Variants in ZNF317 observed in about 807,000 individuals in gnomAD.
The protein encoded by ZNF317 is KRAB-containing zinc finger protein 317.
In ZNF317, 17 loss-of-function variants were observed where a neutral mutation model predicts 23.4. The ratio of observed to expected loss-of-function variants is 0.73; its 90% CI spans 0.50 to 1.09. The LOEUF is 1.09. Ranked by LOEUF, ZNF317 falls within the 50% of genes least tolerant of loss-of-function variation. ZNF317 has a pLI of 0.00. For synonymous variants in ZNF317, 317 were observed against 314.9 expected (o/e 1.01, Z -0.07); for missense variants, 679 against 796.7 (o/e 0.85, Z 1.78).
chr19:9,153,318 T>C (rs912070425), intron 1 of ZNF317, among the ~76,000 whole-genome samples: 2 of 132,498 alleles, frequency 1.5e-5, no homozygotes, highest in Non-Finnish European at 3.4e-5. Flanking sequence ...TGCACCACCA[T>C]GCCCAGCTAA....
At position 9,160,072 on chromosome 19, in the gene ZNF317, T is replaced by C; in HGVS notation, c.469-42T>C. On this transcript the variant is annotated intron_variant, in intron 6 of 6. Transcript: ENST00000247956. The surrounding 1 kb of genome is among the most constrained non-coding windows in gnomAD (Gnocchi z 6.8). Reference sequence around the variant, plus strand: ...GGATGACGCTTAGGGTTGCAATGAATATGAGAATTGCCTTTGTCAGCACTT... The same window carrying C: ...GGATGACGCTTAGGGTTGCAATGAACATGAGAATTGCCTTTGTCAGCACTT... 1.2e-6 allele frequency: 2 copies of C among 1,610,074 alleles called. No homozygotes were observed.
chr19:9,154,945 C>T (rs1389188301), intron 1 of ZNF317, among the ~76,000 whole-genome samples: 1 of 152,176 alleles, frequency 6.6e-6, no homozygotes, highest in African/African-American at 2.4e-5. Context: ...CTATGATATT[C>T]AACACCATTC....
At chr19:9,147,124 T>A (rs187466070) in intron 1 of ZNF317, among the ~76,000 whole-genome samples, 5 of 152,254 alleles carry the variant, frequency 3.3e-5, no homozygotes, top group African/African-American at 1.2e-4. Flanking sequence ...CTAGCAGCCT[T>A]GGTTGCCTCA....
At position 9,142,908 on chromosome 19, in the gene ZNF317, G is replaced by A. The variant is rs182486919; in HGVS notation, c.-93+2316G>A. 6.5e-3 allele frequency among the ~76,000 whole-genome samples: 993 copies of A among 152,286 alleles called. 4 individuals are homozygous for A. The highest frequency in any genetic ancestry group is 0.041 in the Middle Eastern group (12 of 294). On this transcript the variant is annotated intron_variant, in intron 1 of 6. Transcript: ENST00000247956. ...CCTTTTCTGTTTCAGATTTATGCCA[G>A]CCTCATAAAATGGGATGAGAAGTGT... is the stretch of plus-strand genomic sequence containing the variant.
rs35259257 is a variant in ZNF317 at position 9,147,330 on chromosome 19, G to GTTT, written c.-93+6763_-93+6765dup. ...TGGTGACAGCATTCCAATGACACTG[G>GTTT]TTTTTTTTTTTTTTTTTTTTTTTTT... On this transcript the variant is annotated intron_variant, in intron 1 of 6. Coordinates refer to ENST00000247956, the MANE Select transcript of ZNF317 (RefSeq NM_020933.5). Among the ~76,000 whole-genome samples, 22 of 110,172 alleles carry GTTT rather than the reference G, an allele frequency of 2.0e-4. 2 individuals are homozygous for GTTT. The highest frequency in any genetic ancestry group is 3.0e-4 in the South Asian group (1 of 3,346). 72.3% of individuals were successfully genotyped at this position (110,172 alleles called of 152,430 possible).
chr19:9,160,959 C>T lies in ZNF317; in HGVS notation c.1314C>T (p.Asn438=), dbSNP rs369391399. 8.1e-6 allele frequency: 13 copies of T among 1,614,024 alleles called. No individual in the cohort carries two copies. The African/African-American group carries it at 1.1e-4, about 13-fold the overall frequency. ...RNQSILKTHM[N]SHTGEKPYGC... ...AGTCCATCCTTAAGACTCACATGAA[C>T]TCTCACACTGGAGAGAAACCATACG... The change falls in exon 7 of 7, where the codon AAC becomes AAT. Residue 438 remains asparagine (N), a synonymous_variant. Coordinates refer to ENST00000247956, the MANE Select transcript of ZNF317 (RefSeq NM_020933.5). This position sits in a 1 kb window ranked among gnomAD's most constrained non-coding sequence, Gnocchi z 6.8.
At chr19:9,145,982 A>AATT (rs138875341) in intron 1 of ZNF317, among the ~76,000 whole-genome samples, 283 of 151,652 alleles carry the variant, frequency 1.9e-3, no homozygotes, top group Middle Eastern at 0.017. Context: ...TTAAGAAACA[A>AATT]ATTATTATTA....
chr19:9,156,273 G>T (rs1177746416), intron 2 of ZNF317, among the ~76,000 whole-genome samples: 1 of 152,154 alleles, frequency 6.6e-6, no homozygotes, highest in Non-Finnish European at 1.5e-5. Flanking sequence ...GAGGGTGCAG[G>T]TAATGGGTAA....
Position 9,160,412 on chromosome 19 carries a change from G to A in ZNF317, c.767G>A (p.Gly256Glu), listed in dbSNP as rs1482298712. Reference sequence around the variant, plus strand: ...AAGCCTTACGAGTGCAGCGACTGCGGGAAAGCCTTCAACGACCCTTCAGCC... The same window carrying A: ...AAGCCTTACGAGTGCAGCGACTGCGAGAAAGCCTTCAACGACCCTTCAGCC... ...GEKPYECSDCGKAFNDPSALR... is the reference protein window; with the variant it reads ...GEKPYECSDCEKAFNDPSALR... Residue 256 changes from glycine (G) to glutamate (E), a missense_variant, in exon 7 of 7, where the codon GGG becomes GAG. Physicochemically the swap from Gly to Glu is moderately conservative, Grantham distance 98. Coordinates refer to ENST00000247956, the MANE Select transcript of ZNF317 (RefSeq NM_020933.5). The surrounding 1 kb of genome is among the most constrained non-coding windows in gnomAD (Gnocchi z 6.8). 1.9e-6 allele frequency: 3 copies of A among 1,614,076 alleles called. No individual in the cohort carries two copies. Among genetic ancestry groups the A allele is most frequent in the Admixed American group, 1.7e-5 (1 of 59,996 alleles).
chr19:9,143,003 C>G (rs2050647895), intron 1 of ZNF317, among the ~76,000 whole-genome samples: 1 of 152,064 alleles, frequency 6.6e-6, no homozygotes, highest in Non-Finnish European at 1.5e-5. Flanking sequence ...GGGAGTGGTA[C>G]CTGGAAAAAC....
At chr19:9,140,902 G>A (rs1031577902) in intron 1 of ZNF317, among the ~76,000 whole-genome samples, 1 of 152,118 alleles carries the variant, frequency 6.6e-6, no homozygotes, top group African/African-American at 2.4e-5. Context: ...AGGAGATTGG[G>A]GGGCGTCAGG....
chr19:9,148,948 T>C (rs1334378479), intron 1 of ZNF317, among the ~76,000 whole-genome samples: 2 of 152,190 alleles, frequency 1.3e-5, no homozygotes, highest in African/African-American at 4.8e-5. Flanking sequence ...AGCTTCCTGC[T>C]CATCATCTAT....
At chr19:9,159,096 G>A (rs2050819408) in intron 6 of ZNF317, among the ~76,000 whole-genome samples, 188 bp downstream of exon 6, 1 of 152,238 alleles carries the variant, frequency 6.6e-6, no homozygotes, top group Admixed American at 6.5e-5. Context: ...TTTACCTAGA[G>A]TGTCTCTGAG....
At chr19:9,148,295 G>T (rs2050705928) in intron 1 of ZNF317, among the ~76,000 whole-genome samples, 1 of 152,200 alleles carries the variant, frequency 6.6e-6, no homozygotes, top group African/African-American at 2.4e-5. Flanking sequence ...TGAGAACTTG[G>T]CCAGAAGCTC....
intron 1 of ZNF317, among the ~76,000 whole-genome samples, chr19:9,147,967 G>A (rs2050702515): frequency 6.6e-6 from 1 of 152,118 alleles, no homozygotes; most frequent in East Asian, 1.9e-4. Flanking sequence ...CTGTCCTCGT[G>A]ATGGCGGGTG....
rs2050860335 is a variant in ZNF317 at position 9,161,731 on chromosome 19, C to A, written c.*298C>A. The stretch of plus-strand genomic sequence containing the variant: ...CAGCTTGGCATTTAATGTCAAAATC[C>A]AAGCCGTGGCATTTAATGTCAAAAT... On this transcript the variant is annotated 3_prime_UTR_variant, in exon 7 of 7. Coordinates refer to ENST00000247956, the MANE Select transcript of ZNF317 (RefSeq NM_020933.5). The surrounding 1 kb of genome is among the most constrained non-coding windows in gnomAD (Gnocchi z 4.0). 3.0e-6 allele frequency: 1 copy of A among 338,790 alleles called. No homozygotes were observed. The highest frequency in any genetic ancestry group is 2.1e-5 in the African/African-American group (1 of 48,182). The allele number at this position is 338,790 out of a possible 1,614,324, so 21.0% of individuals were successfully genotyped here.
chr19:9,152,525 G>A lies in ZNF317; in HGVS notation c.-92-3400G>A, dbSNP rs140457188. On this transcript the variant is annotated intron_variant, in intron 1 of 6. Coordinates refer to ENST00000247956, the MANE Select transcript of ZNF317 (RefSeq NM_020933.5). Reference sequence around the variant, plus strand: ...AGCAGCATTAGATTCTCATAGGGGCGCAGACCCTATTGTGCACTGCACATG... The same window carrying A: ...AGCAGCATTAGATTCTCATAGGGGCACAGACCCTATTGTGCACTGCACATG... 6.2e-3 allele frequency among the ~76,000 whole-genome samples: 946 copies of A among 152,276 alleles called. 11 individuals carry two copies. Among genetic ancestry groups the A allele is most frequent in the African/African-American group, 0.022 (908 of 41,550 alleles).
rs372765220 is a variant in ZNF317, at chr19:9,158,919, C to T, written c.468+11C>T. 13 of 1,592,804 alleles carry T rather than the reference C, an allele frequency of 8.2e-6. No homozygotes were observed. Among genetic ancestry groups the T allele is most frequent in the African/African-American group, 2.7e-5 (2 of 74,434 alleles). On this transcript the variant is annotated intron_variant, in intron 6 of 6. Transcript: ENST00000247956. ...AGTGGTGTGACGATGGTAAGATTTC[C>T]GTGGGATAATTCTGGATCTTCCTTC...
intron 1 of ZNF317, among the ~76,000 whole-genome samples, chr19:9,149,527 T>C (rs904938132): frequency 9.2e-5 from 14 of 151,744 alleles, no homozygotes; most frequent in Admixed American, 9.2e-4. Flanking sequence ...TAAAGTTGAA[T>C]AAAGATCTGA....
Sources: gnomAD v4.1 joint callset for allele counts (sites outside exome capture counted in the v4.1 genomes callset) on GRCh38, gnomAD v4.1.1 for gene constraint, Gnocchi (gnomAD v3.1) non-coding constraint, MANE v1.5 for transcripts, NCBI Gene and HGNC (gene_info 2026-07-23, HGNC 2026-07-21) for gene names.